The following NDST3 variants were observed in gnomAD, a reference collection of about 807,000 sequenced individuals.
The protein encoded by NDST3 is bifunctional heparan sulfate N-deacetylase/N-sulfotransferase 3.
In NDST3, 58 loss-of-function variants were observed where a neutral mutation model predicts 96.1. The ratio of observed to expected loss-of-function variants is 0.60; its 90% CI spans 0.49 to 0.75. The LOEUF (loss-of-function observed/expected upper bound fraction) is 0.75. Ranked by LOEUF, NDST3 falls within the 30% of genes least tolerant of loss-of-function variation. The pLI is 0.00. For synonymous variants in NDST3, 333 were observed against 359.7 expected (o/e 0.93, Z 0.84); for missense variants, 788 against 1,034.2 (o/e 0.76, Z 3.27).
intron 6 of NDST3, among the ~76,000 whole-genome samples, chr4:118,197,956 C>T (rs763201132): frequency 1.3e-5 from 2 of 151,924 alleles, no homozygotes; most frequent in South Asian, 2.1e-4. Context: ...CACACCACCA[C>T]GCCCAGCTAA....
chr4:118,066,241 T>A (rs28500762), intron 2 of NDST3, among the ~76,000 whole-genome samples: 3 of 52,116 alleles, frequency 5.8e-5, no homozygotes, highest in African/African-American at 1.6e-4. Flanking sequence ...TATTATATAT[T>A]ATATATATTA....
intron 6 of NDST3, among the ~76,000 whole-genome samples, chr4:118,200,654 A>G (rs1738014896): frequency 6.6e-6 from 1 of 152,216 alleles, no homozygotes; most frequent in Non-Finnish European, 1.5e-5. Flanking sequence ...TTTTCTTATT[A>G]GTCATTTAAG....
chr4:118,210,593 T>C (rs1222408938), intron 6 of NDST3, among the ~76,000 whole-genome samples: 2 of 152,042 alleles, frequency 1.3e-5, no homozygotes, highest in African/African-American at 4.8e-5. Context: ...CTGGCCAACA[T>C]GGTGAAACCC....
chr4:118,137,737 G>A (rs917878900), intron 4 of NDST3, among the ~76,000 whole-genome samples: 3 of 152,110 alleles, frequency 2.0e-5, no homozygotes, highest in Non-Finnish European at 2.9e-5. Context: ...TTAACTTGTT[G>A]ACGTATGGGC....
chr4:118,224,387 C>G, intron 6 of NDST3, 104 bp from the exon 7 acceptor site: 2 of 984,022 alleles, frequency 2.0e-6, no homozygotes, highest in Non-Finnish European at 2.9e-6. Context: ...AACTGAAACC[C>G]TGTGCAGACT....
rs147526312 is a variant in NDST3 at position 118,097,627 on chromosome 4, A to G, written c.982-7391A>G. On this transcript the variant is annotated intron_variant, in intron 2 of 13. Coordinates refer to ENST00000296499, the MANE Select transcript of NDST3 (RefSeq NM_004784.3). Reference sequence around the variant, plus strand: ...AGTTTCCCAGATAATCTTTATGTACATAGAAGTTTGAGAAGCACTGATAGG... The same window carrying G: ...AGTTTCCCAGATAATCTTTATGTACGTAGAAGTTTGAGAAGCACTGATAGG... Among the ~76,000 whole-genome samples, 83 of 152,126 alleles carry G rather than the reference A, an allele frequency of 5.5e-4. 1 individual carries two copies. The highest frequency in any genetic ancestry group is 3.4e-3 in the Middle Eastern group (1 of 294).
chr4:118,089,874 T>G (rs1003061168), intron 2 of NDST3, among the ~76,000 whole-genome samples: 15 of 151,992 alleles, frequency 9.9e-5, no homozygotes, highest in Admixed American at 2.0e-4. Flanking sequence ...AAAGCAGAGG[T>G]GATAACTATA....
intron 6 of NDST3, among the ~76,000 whole-genome samples, chr4:118,218,334 CT>C (rs1156322270): frequency 6.6e-6 from 1 of 152,086 alleles, no homozygotes. Context: ...CATCAAAAAG[CT>C]TATCCACCAC....
chr4:118,156,053 T>C (rs529551164), intron 6 of NDST3, among the ~76,000 whole-genome samples: 2 of 152,270 alleles, frequency 1.3e-5, no homozygotes, highest in South Asian at 4.1e-4. Flanking sequence ...ATACTATTTC[T>C]AGCATTCAGG....
At chr4:118,061,319 C>CTCTGAGT (rs1725876625) in intron 2 of NDST3, among the ~76,000 whole-genome samples, 1 of 152,106 alleles carries the variant, frequency 6.6e-6, no homozygotes, top group Non-Finnish European at 1.5e-5. Context: ...TCTTCTCTGA[C>CTCTGAGT]CATTCTCTTT....
At chr4:118,188,461 T>C (rs994213592) in intron 6 of NDST3, among the ~76,000 whole-genome samples, 1 of 152,012 alleles carries the variant, frequency 6.6e-6, no homozygotes, top group Admixed American at 6.6e-5. Flanking sequence ...ACATTTAACA[T>C]TGGACTTATG....
In NDST3 at chr4:118,066,606, C is replaced by A. The variant is rs1381406132; in HGVS notation, c.981+11715C>A. On this transcript the variant is annotated intron_variant, in intron 2 of 13. Transcript: ENST00000296499. ...TATAACATGTTATATATTATATATA[C>A]ATTATATATAACATGTTATATATTA... Among the ~76,000 whole-genome samples, 2 of 36,454 alleles carry A rather than the reference C, an allele frequency of 5.5e-5. 1 individual carries two copies. Among genetic ancestry groups the A allele is most frequent in the Non-Finnish European group, 1.0e-4 (2 of 19,680 alleles). The allele number at this position is 36,454 out of a possible 152,430, so 23.9% of individuals were successfully genotyped here. A position where few individuals can be genotyped will look rare whatever the true frequency, so the allele number is the denominator to read the frequency against.
intron 2 of NDST3, among the ~76,000 whole-genome samples, chr4:118,080,293 T>C (rs1727906596): frequency 6.6e-6 from 1 of 151,830 alleles, no homozygotes; most frequent in African/African-American, 2.4e-5. Flanking sequence ...GGCAATAGGG[T>C]ATTCGAGTCT....
At chr4:118,034,798 G>A (rs1228629611) in intron 1 of NDST3, among the ~76,000 whole-genome samples, 1 of 152,154 alleles carries the variant, frequency 6.6e-6, no homozygotes, top group African/African-American at 2.4e-5. Context: ...TGATTTTAAA[G>A]CTTCCCTTTC....
intron 6 of NDST3, among the ~76,000 whole-genome samples, chr4:118,188,533 C>T (rs748283280): frequency 6.6e-6 from 1 of 151,940 alleles, no homozygotes; most frequent in Admixed American, 6.6e-5. Context: ...AATAGGCTAT[C>T]GCAGATAATT....
At chr4:118,050,719 C>G (rs562972486) in intron 1 of NDST3, among the ~76,000 whole-genome samples, 1 of 151,982 alleles carries the variant, frequency 6.6e-6, no homozygotes, top group East Asian at 1.9e-4. Context: ...TGAAATAAAT[C>G]AAAGACAATA....
At chr4:118,235,038 GA>G (rs201621405) in intron 9 of NDST3, among the ~76,000 whole-genome samples, 3 of 12,966 alleles carry the variant, frequency 2.3e-4, no homozygotes, top group African/African-American at 5.2e-4. Flanking sequence ...AAAAAAAAAA[GA>G]AAAAAAAAGG....
At chr4:118,235,720 A>C (rs1740598041) in intron 9 of NDST3, among the ~76,000 whole-genome samples, 1 of 152,192 alleles carries the variant, frequency 6.6e-6, no homozygotes, top group African/African-American at 2.4e-5. Context: ...GCATCCTGAA[A>C]GTTGGCACTC....
chr4:118,213,279 C>T (rs1398457579), intron 6 of NDST3, among the ~76,000 whole-genome samples: 1 of 152,174 alleles, frequency 6.6e-6, no homozygotes, highest in Admixed American at 6.5e-5. Context: ...ATTCATGCCC[C>T]AGGTGAACAG....
Sources: allele counts gnomAD v4.1 joint callset (sites outside exome capture counted in the v4.1 genomes callset), GRCh38; gene constraint gnomAD v4.1.1; transcripts MANE v1.5; gene names NCBI Gene and HGNC (gene_info 2026-07-23, HGNC 2026-07-21).